RPAIN: variants seen among roughly 807,000 people sequenced by gnomAD.
RPAIN encodes the protein RPA interacting protein.
Under a neutral mutation model 30.5 loss-of-function variants are expected in RPAIN, and 29 were observed. The observed-to-expected ratio is 0.95, with a 90% CI of 0.71 to 1.30. The LOEUF is 1.30. RPAIN is among the 50% of genes most tolerant of loss of function. The pLI is 0.00. For missense variants in RPAIN, 247 were observed against 264.7 expected, an observed-to-expected ratio of 0.93 and a Z score of 0.46; for synonymous variants, 101 against 93.5, an observed-to-expected ratio of 1.08 and a Z score of -0.46.
At chr17:5,429,135 G>T (rs1915673482) in intron 6 of RPAIN, 2 of 985,264 alleles carry the variant, frequency 2.0e-6, no homozygotes, top group Admixed American at 1.2e-4. Flanking sequence ...TTGGTAATAA[G>T]AGAACAGAAT....
intron 6 of RPAIN, chr17:5,431,484 T>TAAAAAAAAAAAAAAAAAAAAAAAA: frequency 2.8e-6 from 1 of 363,316 alleles, no homozygotes; most frequent in African/African-American, 3.2e-5. Context: ...GATTGTGCCT[T>TAAAAAAAAAAAAAAAAAAAAAAAA]AAAAAAAAAA....
chr17:5,427,829 C>A, intron 5 of RPAIN: 1 of 526,612 alleles, frequency 1.9e-6, no homozygotes, highest in Non-Finnish European at 3.4e-6. Flanking sequence ...TTCTTCCTGC[C>A]ATGAGTGGCC....
Position 5,432,704 on chromosome 17 carries a change from A to C in RPAIN, c.*133A>C. The C allele has an allele frequency of 1.0e-6, 1 of 954,970 alleles. No homozygotes were observed. The highest frequency in any genetic ancestry group is 1.6e-6 in the Non-Finnish European group (1 of 633,056). The allele number at this position is 954,970 out of a possible 1,614,324, so 59.2% of individuals were successfully genotyped here. A position where few individuals can be genotyped will look rare whatever the true frequency, so the allele number is the denominator to read the frequency against. ...TTTAAACAATACTGAAGAAAAAAAA[A>C]CTTTTCCGACATCTGTTCTTGGTCT... On this transcript the variant is annotated 3_prime_UTR_variant, in exon 7 of 7. Coordinates refer to ENST00000381209, the MANE Select transcript of RPAIN (RefSeq NM_001033002.4).
chr17:5,432,418 T>C, intron 6 of RPAIN, 124 bp from the exon 7 acceptor site: 1 of 875,642 alleles, frequency 1.1e-6, no homozygotes, highest in Non-Finnish European at 1.9e-6. Flanking sequence ...ACTACTGAAC[T>C]AATTGAAACT....
intron 6 of RPAIN, chr17:5,431,482 C>CT (rs767992858): frequency 6.2e-5 from 13 of 211,134 alleles, no homozygotes; most frequent in Admixed American, 1.6e-4. Flanking sequence ...GAGATTGTGC[C>CT]TTAAAAAAAA....
At chr17:5,429,690 G>T (rs1205381296) in intron 6 of RPAIN, 1 of 985,346 alleles carries the variant, frequency 1.0e-6, no homozygotes, top group Non-Finnish European at 1.2e-6. Flanking sequence ...TTCTGTTCCA[G>T]CTATCCAGCA....
intron 6 of RPAIN, chr17:5,428,525 C>G: frequency 7.5e-7 from 1 of 1,342,246 alleles, no homozygotes; most frequent in South Asian, 1.6e-5. Flanking sequence ...GTCATAAGAC[C>G]CAGATAGGCC....
chr17:5,420,756 CAG>C (rs1410642108), intron 1 of RPAIN, among the ~76,000 whole-genome samples: 2 of 152,176 alleles, frequency 1.3e-5, no homozygotes, highest in Non-Finnish European at 2.9e-5. Flanking sequence ...GCAGATACAG[CAG>C]AGTTTCTCAG....
intron 2 of RPAIN, chr17:5,421,713 G>T (rs111356578): frequency 1.1e-3 from 355 of 310,428 alleles, no homozygotes; most frequent in African/African-American, 6.4e-3. Context: ...TAAAAAGAAA[G>T]AAATTTCATT....
rs149288861 is a variant in RPAIN at position 5,430,973 on chromosome 17, C to T, written c.631-1569C>T. 3.1e-4 allele frequency: 50 copies of T among 161,918 alleles called. 1 individual carries two copies. In the East Asian group the frequency reaches 8.6e-3, roughly 28 times the overall value. The allele number at this position is 161,918 out of a possible 1,614,324, so 10.0% of individuals were successfully genotyped here. ...GAAGATGGCCTAATTGCCAAGTGTACAGCTTCAGCTCAGCATATAATTGTT... is the reference window on the plus strand; with the variant it reads ...GAAGATGGCCTAATTGCCAAGTGTATAGCTTCAGCTCAGCATATAATTGTT... On this transcript the variant is annotated intron_variant, in intron 6 of 6. Coordinates refer to ENST00000381209, the MANE Select transcript of RPAIN (RefSeq NM_001033002.4).
rs1313823533 is a variant in RPAIN at position 5,421,480 on chromosome 17, A to G, written c.252+14A>G. The stretch of plus-strand genomic sequence containing the variant: ...GACTTGGCTCAGGTCAGGCTGGGCT[A>G]TGTGTTTTCAGGGAGGGGGACTGCA... On this transcript the variant is annotated intron_variant, in intron 2 of 6. Transcript: ENST00000381209. The G allele has an allele frequency of 6.2e-6, 10 of 1,611,672 alleles. No individual in the cohort carries two copies. The highest frequency in any genetic ancestry group is 1.7e-4 in the Middle Eastern group (1 of 5,942).
intron 3 of RPAIN, 72 bp downstream of exon 3, chr17:5,422,901 G>T: frequency 4.0e-6 from 5 of 1,263,984 alleles, no homozygotes; most frequent in South Asian, 1.3e-5. Flanking sequence ...CTCCAATCAG[G>T]ATTAGTTTAT....
intron 6 of RPAIN, chr17:5,429,504 G>C (rs921467286): frequency 3.1e-6 from 3 of 983,142 alleles, no homozygotes; most frequent in Non-Finnish European, 3.6e-6. Flanking sequence ...AAGCGATAGA[G>C]CTGGTGTTAG....
chr17:5,426,628 A>C (rs1180039525), intron 5 of RPAIN: 4 of 213,252 alleles, frequency 1.9e-5, no homozygotes, highest in Admixed American at 1.6e-4. Context: ...TTCAGAATTT[A>C]AGCTTCAGTA....
Position 5,426,074 on chromosome 17 carries a change from ATG to A in RPAIN, c.419_420del (p.Cys140TyrfsTer26). ...AGGCAAACCCACTCATCTGTCCTGT[ATG>A]TACAAAGTAAGAGTTTTTAAAACCT... The part of the protein sequence containing the change: ...WEANPLICPV[C>X]TKYNLRITSG... On this transcript the variant is annotated frameshift_variant, in exon 4 of 7. Coordinates refer to ENST00000381209, the MANE Select transcript of RPAIN (RefSeq NM_001033002.4). LOFTEE classifies it high-confidence loss of function. The A allele has an allele frequency of 6.2e-7, 1 of 1,610,620 alleles. No homozygotes were observed.
intron 6 of RPAIN, 137 bp from the exon 7 acceptor site, chr17:5,432,405 T>A: frequency 2.5e-6 from 2 of 787,500 alleles, no homozygotes; most frequent in Non-Finnish European, 4.3e-6. Flanking sequence ...CATGACAAAC[T>A]ACACTACTGA....
At chr17:5,431,746 G>A (rs144480957) in intron 6 of RPAIN, 149 of 425,692 alleles carry the variant, frequency 3.5e-4, no homozygotes, top group African/African-American at 2.2e-3. Flanking sequence ...GGAATGTTTC[G>A]GATGTGGCGG....
chr17:5,429,288 T>C (rs1915688433), intron 6 of RPAIN: 1 of 985,420 alleles, frequency 1.0e-6, no homozygotes, highest in Non-Finnish European at 1.2e-6. Flanking sequence ...GACATGGAGA[T>C]CTGGTGAGTT....
chr17:5,428,970 G>A (rs1243690218), intron 6 of RPAIN: 11 of 962,258 alleles, frequency 1.1e-5, no homozygotes, highest in Non-Finnish European at 1.4e-5. Context: ...ACCTACAGAG[G>A]TCATTTTTAT....
Sources: gnomAD v4.1 joint callset for allele counts (sites outside exome capture counted in the v4.1 genomes callset) on GRCh38, gnomAD v4.1.1 for gene constraint, MANE v1.5 for transcripts, NCBI Gene and HGNC (gene_info 2026-07-23, HGNC 2026-07-21) for gene names.